Variants in DCAF1 observed in about 807,000 individuals in gnomAD.
DCAF1 encodes the protein DDB1- and CUL4-associated factor 1.
DCAF1 carries 15 observed loss-of-function variants against 128.0 expected under a neutral mutation model. That is an observed-to-expected ratio of 0.12 (90% CI 0.08 to 0.18). DCAF1 has a LOEUF of 0.18. Among genes scored for constraint, DCAF1 ranks in the 10% least tolerant of loss-of-function variants. DCAF1 has a pLI of 1.00. For missense variants in DCAF1, 988 were observed against 1,649.5 expected (o/e 0.60, Z 6.95); for synonymous variants, 610 against 603.0 (o/e 1.01, Z -0.17).
chr3:51,453,416 C>T (rs1482091742), intron 6 of DCAF1, among the ~76,000 whole-genome samples: 1 of 150,474 alleles, frequency 6.6e-6, no homozygotes, highest in African/African-American at 2.4e-5. Context: ...CTGCTTGAGC[C>T]CAAGAGTGTG....
chr3:51,449,318 C>T (rs1702147624), intron 6 of DCAF1, among the ~76,000 whole-genome samples: 1 of 152,166 alleles, frequency 6.6e-6, no homozygotes, highest in African/African-American at 2.4e-5. Context: ...AGTGATTCTC[C>T]TGCCTCAACC....
chr3:51,481,976 G>A (rs1553652989), intron 3 of DCAF1, among the ~76,000 whole-genome samples: 1 of 152,170 alleles, frequency 6.6e-6, no homozygotes, highest in East Asian at 1.9e-4. Context: ...AGGCAACAGA[G>A]TGAGACTCCA....
intron 24 of DCAF1, among the ~76,000 whole-genome samples, chr3:51,402,565 C>CATT (rs2089789889): frequency 2.2e-5 from 1 of 44,588 alleles, no homozygotes; most frequent in African/African-American, 6.7e-5. Context: ...CCCTACAAAG[C>CATT]ATTTTTTTTT....
At chr3:51,448,352 C>T (rs1553640768) in intron 6 of DCAF1, among the ~76,000 whole-genome samples, 1 of 152,168 alleles carries the variant, frequency 6.6e-6, no homozygotes, top group Non-Finnish European at 1.5e-5. Context: ...GTCAGATCTT[C>T]CAGTTCATTA....
intron 7 of DCAF1, 135 bp downstream of exon 7, chr3:51,443,631 G>A: frequency 2.5e-6 from 2 of 786,602 alleles, no homozygotes; most frequent in Non-Finnish European, 1.8e-6. Flanking sequence ...AAACTCTTAT[G>A]GAAACTAATA....
rs781796891 is a variant in DCAF1, at chr3:51,412,371, C to T, written c.4212+8G>A. On this transcript the variant is annotated splice_region_variant and intron_variant, in intron 23 of 24. Coordinates refer to ENST00000684031, the MANE Select transcript of DCAF1 (RefSeq NM_001387579.1). ...GTTCAGCAGAAAGAAATCTCAAAGA[C>T]CACTGACCTGGTCCTCCTCTTCATC... The T allele has an allele frequency of 6.2e-7, 1 of 1,613,794 alleles. No homozygotes were observed. Among genetic ancestry groups the T allele is most frequent in the Admixed American group, 1.7e-5 (1 of 60,018 alleles).
chr3:51,437,360 C>T (rs371547280), intron 9 of DCAF1: 11 of 392,408 alleles, frequency 2.8e-5, no homozygotes, highest in Non-Finnish European at 4.8e-5. Flanking sequence ...AGGGGCTGAA[C>T]ATGGGAGGGC....
At chr3:51,474,546 T>C (rs1705192512) in intron 3 of DCAF1, among the ~76,000 whole-genome samples, 1 of 152,112 alleles carries the variant, frequency 6.6e-6, no homozygotes, top group African/African-American at 2.4e-5. Flanking sequence ...AACCTCTCTT[T>C]AACACAAAGG....
At chr3:51,424,326 G>A (rs1699710756) in intron 13 of DCAF1, among the ~76,000 whole-genome samples, 1 of 151,964 alleles carries the variant, frequency 6.6e-6, no homozygotes, top group African/African-American at 2.4e-5. Context: ...CTTGAACCCA[G>A]GAGGCGGAGG....
chr3:51,412,511 A>G lies in DCAF1; in HGVS notation c.4111-31T>C, dbSNP rs544628028. Reference sequence around the variant, plus strand: ...ATAGAACATCCAGTCCATAAGGAGCAGTTACTTTTCAGAAGGTCCACATCC... The same window carrying G: ...ATAGAACATCCAGTCCATAAGGAGCGGTTACTTTTCAGAAGGTCCACATCC... On this transcript the variant is annotated intron_variant, in intron 22 of 24. Transcript: ENST00000684031. 33 of 1,613,138 alleles carry G rather than the reference A, an allele frequency of 2.0e-5. No individual in the cohort carries two copies. In the Admixed American group the frequency reaches 5.0e-4, roughly 24 times the overall value.
rs376446885 is a variant in DCAF1, at chr3:51,441,629, T to C, written c.782A>G (p.Asp261Gly). 1.2e-6 allele frequency: 2 copies of C among 1,613,848 alleles called. No individual in the cohort carries two copies. Among genetic ancestry groups the C allele is most frequent in the African/African-American group, 1.3e-5 (1 of 74,918 alleles). The change falls in exon 8 of 25, where the codon GAT becomes GGT. Residue 261 changes from aspartate to glycine, a missense_variant. Physicochemically the swap from Asp to Gly is moderately conservative, Grantham distance 94. Transcript: ENST00000684031. ...TGACTTGTTTTTCTTTAATCCTCCA[T>C]CCTCAGGTTTGGTTGTTGAGTTCAC... ...SRVNSTTKPE[D>G]GGLKKNKSAK...
intron 3 of DCAF1, among the ~76,000 whole-genome samples, chr3:51,473,026 C>G (rs192013235): frequency 4.0e-5 from 6 of 150,122 alleles, no homozygotes; most frequent in Non-Finnish European, 7.4e-5. Context: ...CCTGTAATCC[C>G]AACACTTTGG....
rs1698509245 is a variant in DCAF1 at position 51,412,367 on chromosome 3, A to C, written c.4212+12T>G. 1 of 1,613,660 alleles carries C rather than the reference A, an allele frequency of 6.2e-7. No individual in the cohort carries two copies. The highest frequency in any genetic ancestry group is 1.7e-5 in the Admixed American group (1 of 59,998). ...CACTGTTCAGCAGAAAGAAATCTCAAAGACCACTGACCTGGTCCTCCTCTT... is the reference window on the plus strand; with the variant it reads ...CACTGTTCAGCAGAAAGAAATCTCACAGACCACTGACCTGGTCCTCCTCTT... On this transcript the variant is annotated intron_variant, in intron 23 of 24. Transcript: ENST00000684031.
chr3:51,478,528 G>C (rs544531979), intron 3 of DCAF1, among the ~76,000 whole-genome samples: 1 of 152,074 alleles, frequency 6.6e-6, no homozygotes, highest in Non-Finnish European at 1.5e-5. Flanking sequence ...CCTCATTAAT[G>C]ACTCTCCTCC....
chr3:51,410,188 C>T lies in DCAF1; in HGVS notation c.4212+2191G>A, dbSNP rs115029516. 9.9e-3 allele frequency among the ~76,000 whole-genome samples: 1,504 copies of T among 152,324 alleles called. 31 individuals carry two copies. The highest frequency in any genetic ancestry group is 0.034 in the African/African-American group (1,426 of 41,550). Reference sequence around the variant, plus strand: ...ATCCTTTACCAGGCCCTGAGGAAGGCTCTGCTCTGATCCCACCATGGCCAC... The same window carrying T: ...ATCCTTTACCAGGCCCTGAGGAAGGTTCTGCTCTGATCCCACCATGGCCAC... On this transcript the variant is annotated intron_variant, in intron 23 of 24. Coordinates refer to ENST00000684031, the MANE Select transcript of DCAF1 (RefSeq NM_001387579.1).
Position 51,429,311 on chromosome 3 carries a change from G to T in DCAF1, c.1627C>A (p.Leu543Ile). ...AIKLEQVKQS[L>I]QRTEGGILVH... Reference sequence around the variant, plus strand: ...AGAATGCCACCCTCAGTCCTCTGAAGTGACTGCTTCACTTGTTCCAATTTA... The same window carrying T: ...AGAATGCCACCCTCAGTCCTCTGAATTGACTGCTTCACTTGTTCCAATTTA... Residue 543 changes from leucine to isoleucine, a missense_variant, in exon 12 of 25, where the codon CTT becomes ATT. This residue lies in a region of DCAF1 where 185 missense variants were observed against 248.1 expected (regional missense o/e 0.75). Coordinates refer to ENST00000684031, the MANE Select transcript of DCAF1 (RefSeq NM_001387579.1). 1.3e-6 allele frequency: 1 copy of T among 780,714 alleles called. No homozygotes were observed. Among genetic ancestry groups the T allele is most frequent in the South Asian group, 1.3e-5 (1 of 74,592 alleles). 48.4% of individuals were successfully genotyped at this position (780,714 alleles called of 1,614,324 possible).
intron 18 of DCAF1, among the ~76,000 whole-genome samples, chr3:51,415,387 C>G (rs1424731979): frequency 4.6e-5 from 7 of 152,038 alleles, no homozygotes; most frequent in East Asian, 1.9e-4. Flanking sequence ...CCCAGCTACT[C>G]AGGAGGCTGA....
intron 1 of DCAF1, among the ~76,000 whole-genome samples, chr3:51,496,989 T>C (rs1708298003): frequency 6.6e-6 from 1 of 151,938 alleles, no homozygotes; most frequent in South Asian, 2.1e-4. Context: ...ATAGAGAAAA[T>C]ATGGCATAAT....
intron 3 of DCAF1, among the ~76,000 whole-genome samples, chr3:51,476,109 T>C (rs1705415587): frequency 6.6e-6 from 1 of 151,972 alleles, no homozygotes; most frequent in South Asian, 2.1e-4. Context: ...GTAATTGGCA[T>C]CATAAAAACT....
Sources: allele counts gnomAD v4.1 joint callset (sites outside exome capture counted in the v4.1 genomes callset), GRCh38; gene constraint gnomAD v4.1.1; regional missense constraint gnomAD v4.1.1; transcripts MANE v1.5; gene names NCBI Gene and HGNC (gene_info 2026-07-23, HGNC 2026-07-21).